The following PARD6B variants were observed in gnomAD, a reference collection of about 807,000 sequenced individuals.
PARD6B encodes par-6 family cell polarity regulator beta, also known as partitioning defective 6 homolog beta.
PARD6B carries 4 observed loss-of-function variants against 10.5 expected under a neutral mutation model. The observed-to-expected ratio is 0.38, with a 90% CI of 0.19 to 0.87. The LOEUF (loss-of-function observed/expected upper bound fraction) is 0.87. Ranked by LOEUF, PARD6B falls within the 40% of genes least tolerant of loss-of-function variation. The probability of loss-of-function intolerance (pLI) is 0.41; values close to 1 mark genes in which losing one functional copy is unlikely to be tolerated. For missense variants in PARD6B, 396 were observed against 470.6 expected (o/e 0.84, Z 1.47); for synonymous variants, 169 against 170.4 (o/e 0.99, Z 0.07).
At chr20:50,741,939 T>C (rs2087533107) in intron 2 of PARD6B, among the ~76,000 whole-genome samples, 2 of 152,212 alleles carry the variant, frequency 1.3e-5, no homozygotes, top group Non-Finnish European at 2.9e-5. Flanking sequence ...GGAACTAATA[T>C]AAAGTATGAC....
intron 1 of PARD6B, among the ~76,000 whole-genome samples, chr20:50,737,099 A>G (rs1010194120): frequency 7.2e-5 from 11 of 152,060 alleles, no homozygotes; most frequent in African/African-American, 2.7e-4. Flanking sequence ...GAAGGTAAGT[A>G]TTGGGCATGA....
At chr20:50,749,191 AAGTT>A (rs1264577138) in intron 2 of PARD6B, among the ~76,000 whole-genome samples, 1 of 151,918 alleles carries the variant, frequency 6.6e-6, no homozygotes, top group East Asian at 1.9e-4. Context: ...AAAATACAAA[AAGTT>A]AGCCAGGCCT....
At chr20:50,746,375 C>T (rs2087567898) in intron 2 of PARD6B, among the ~76,000 whole-genome samples, 1 of 152,180 alleles carries the variant, frequency 6.6e-6, no homozygotes, top group Non-Finnish European at 1.5e-5. Flanking sequence ...AGATCATTGG[C>T]TGAAGAAAAG....
intron 1 of PARD6B, among the ~76,000 whole-genome samples, chr20:50,732,291 A>G (rs1022736207): frequency 2.6e-5 from 4 of 152,230 alleles, no homozygotes; most frequent in African/African-American, 9.6e-5. Flanking sequence ...CGAAGGAGAG[A>G]GCCCAGTGAA....
intron 2 of PARD6B, among the ~76,000 whole-genome samples, chr20:50,749,275 G>A (rs1375561917): frequency 8.6e-5 from 13 of 151,876 alleles, no homozygotes; most frequent in Admixed American, 6.6e-4. Flanking sequence ...CCCGGGAGGC[G>A]GAGGTTGCAG....
At position 50,753,587 on chromosome 20, in the gene PARD6B, A is replaced by C; in HGVS notation, c.*3099A>C. The C allele has an allele frequency of 2.4e-6, 2 of 834,948 alleles. No individual in the cohort carries two copies. Among genetic ancestry groups the C allele is most frequent in the Non-Finnish European group, 2.9e-6 (2 of 692,574 alleles). The allele number at this position is 834,948 out of a possible 1,614,324, so 51.7% of individuals were successfully genotyped here. A position where few individuals can be genotyped will look rare whatever the true frequency, so the allele number is the denominator to read the frequency against. On this transcript the variant is annotated 3_prime_UTR_variant, in exon 3 of 3. Transcript: ENST00000371610. ...ATGCTATAACATGATTTTTACATGA[A>C]TGATACTTTGTTTATAACTATCAAA...
Position 50,753,081 on chromosome 20 carries a change from T to C in PARD6B, c.*2593T>C, listed in dbSNP as rs2087623692. 1.0e-6 allele frequency: 1 copy of C among 984,242 alleles called. No individual in the cohort carries two copies. The highest frequency in any genetic ancestry group is 1.1e-4 in the East Asian group (1 of 8,824). The allele number at this position is 984,242 out of a possible 1,614,324, so 61.0% of individuals were successfully genotyped here. On this transcript the variant is annotated 3_prime_UTR_variant, in exon 3 of 3. Transcript: ENST00000371610. ...TTTTACACACTACCTCTCTCTTTTT[T>C]TTTTTAAAGTTTTAACATCAGAACT... is the stretch of plus-strand genomic sequence containing the variant.
In PARD6B at chr20:50,731,682, C is replaced by T. The variant is rs920285920; in HGVS notation, c.-105C>T. On this transcript the variant is annotated 5_prime_UTR_variant, in exon 1 of 3. Coordinates refer to ENST00000371610, the MANE Select transcript of PARD6B (RefSeq NM_032521.3). ...CTCTGCAGGTGCCTGTGAGGAGGCGCCCGGGCCGCAACCGCTTTCCGAGAT... is the reference window on the plus strand; with the variant it reads ...CTCTGCAGGTGCCTGTGAGGAGGCGTCCGGGCCGCAACCGCTTTCCGAGAT... The T allele has an allele frequency of 2.4e-5, 26 of 1,076,228 alleles. No homozygotes were observed. Among genetic ancestry groups the T allele is most frequent in the Non-Finnish European group, 3.2e-5 (26 of 813,598 alleles). The allele number at this position is 1,076,228 out of a possible 1,614,324, so 66.7% of individuals were successfully genotyped here.
intron 1 of PARD6B, among the ~76,000 whole-genome samples, chr20:50,735,530 T>C (rs777466538): frequency 6.6e-6 from 1 of 152,254 alleles, no homozygotes; most frequent in African/African-American, 2.4e-5. Context: ...CAAACTAGGC[T>C]ATGAAACAGT....
At chr20:50,738,167 T>G in intron 2 of PARD6B, 88 bp downstream of exon 2, 1 of 887,374 alleles carries the variant, frequency 1.1e-6, no homozygotes, top group Non-Finnish European at 1.7e-6. Context: ...TGCCACAAAC[T>G]TAGTGAATAA....
intron 2 of PARD6B, among the ~76,000 whole-genome samples, chr20:50,745,293 G>A (rs1450162687): frequency 3.3e-5 from 5 of 151,924 alleles, no homozygotes; most frequent in Admixed American, 2.0e-4. Flanking sequence ...GCATGGTGGT[G>A]CATGCTTGTA....
At chr20:50,747,252 C>G (rs542457889) in intron 2 of PARD6B, among the ~76,000 whole-genome samples, 5 of 152,188 alleles carry the variant, frequency 3.3e-5, no homozygotes, top group Admixed American at 6.5e-5. Flanking sequence ...GTGTAACTTA[C>G]GTTGTACCCT....
chr20:50,747,677 A>G (rs780083376), intron 2 of PARD6B, among the ~76,000 whole-genome samples: 36 of 150,850 alleles, frequency 2.4e-4, no homozygotes, highest in Non-Finnish European at 4.4e-4. Context: ...TTTACCTCTC[A>G]TTCTCTGATG....
chr20:50,738,483 AG>A (rs1301008508), intron 2 of PARD6B, among the ~76,000 whole-genome samples: 1 of 152,236 alleles, frequency 6.6e-6, no homozygotes, highest in East Asian at 1.9e-4. Flanking sequence ...CAACTTTCAA[AG>A]GCTGTATTTA....
At position 50,752,161 on chromosome 20, in the gene PARD6B, C is replaced by T; in HGVS notation, c.*1673C>T. 1 of 985,548 alleles carries T rather than the reference C, an allele frequency of 1.0e-6. No individual in the cohort carries two copies. Among genetic ancestry groups the T allele is most frequent in the Non-Finnish European group, 1.2e-6 (1 of 829,722 alleles). 61.1% of individuals were successfully genotyped at this position (985,548 alleles called of 1,614,324 possible). ...GAAATATGGAAGTCTCTCCTTTAACCTATTCTTGTTCCCATTCCCAGTCTC... is the reference window on the plus strand; with the variant it reads ...GAAATATGGAAGTCTCTCCTTTAACTTATTCTTGTTCCCATTCCCAGTCTC... On this transcript the variant is annotated 3_prime_UTR_variant, in exon 3 of 3. Transcript: ENST00000371610.
chr20:50,751,584 G>A lies in PARD6B; in HGVS notation c.*1096G>A. Reference sequence around the variant, plus strand: ...GAAGGTCTCAATCTCCTGACCTCCTGATCCGCCCGCCTCGGCCTCCCAAAG... The same window carrying A: ...GAAGGTCTCAATCTCCTGACCTCCTAATCCGCCCGCCTCGGCCTCCCAAAG... On this transcript the variant is annotated 3_prime_UTR_variant, in exon 3 of 3. Coordinates refer to ENST00000371610, the MANE Select transcript of PARD6B (RefSeq NM_032521.3). The A allele has an allele frequency of 1.0e-6, 1 of 960,152 alleles. No homozygotes were observed. The highest frequency in any genetic ancestry group is 4.8e-5 in the South Asian group (1 of 20,742). 59.5% of individuals were successfully genotyped at this position (960,152 alleles called of 1,614,324 possible).
At chr20:50,744,898 TTTAC>T (rs1340485724) in intron 2 of PARD6B, among the ~76,000 whole-genome samples, 1 of 152,180 alleles carries the variant, frequency 6.6e-6, no homozygotes, top group African/African-American at 2.4e-5. Context: ...TTTGTTATAA[TTTAC>T]TTAGAGTATT....
intron 2 of PARD6B, among the ~76,000 whole-genome samples, chr20:50,745,300 T>G (rs796247394): frequency 2.6e-5 from 4 of 151,886 alleles, no homozygotes; most frequent in African/African-American, 9.7e-5. Flanking sequence ...GGTGCATGCT[T>G]GTAATCCCAG....
At chr20:50,742,351 ATTTATTTTATTTTAT>A (rs879671852) in intron 2 of PARD6B, among the ~76,000 whole-genome samples, 1 of 149,496 alleles carries the variant, frequency 6.7e-6, no homozygotes, top group Non-Finnish European at 1.5e-5. Flanking sequence ...GCCCCAAGTG[ATTTATTTTATTTTAT>A]TTTATTTTAT....
Sources: gnomAD v4.1 joint callset for allele counts (sites outside exome capture counted in the v4.1 genomes callset) on GRCh38, gnomAD v4.1.1 for gene constraint, MANE v1.5 for transcripts, NCBI Gene and HGNC (gene_info 2026-07-23, HGNC 2026-07-21) for gene names.